Variants in CLIC5 observed in about 807,000 individuals in gnomAD.
CLIC5 encodes the protein chloride intracellular channel protein 5.
CLIC5 carries 20 observed loss-of-function variants against 24.7 expected under a neutral mutation model. That is an observed-to-expected ratio of 0.81 (90% CI 0.57 to 1.18). CLIC5 has a LOEUF of 1.18. Among genes scored for constraint, CLIC5 ranks in the 50% most tolerant of loss-of-function variants. The pLI, the probability that CLIC5 is intolerant of heterozygous loss-of-function variation, is 0.00. For synonymous variants in CLIC5, 159 were observed against 135.6 expected, an observed-to-expected ratio of 1.17 and a Z score of -1.20; for missense variants, 341 against 326.1, an observed-to-expected ratio of 1.05 and a Z score of -0.35.
chr6:46,019,611 G>A (rs1270654402), upstream of CLIC5, among the ~76,000 whole-genome samples: 3 of 149,098 alleles, frequency 2.0e-5, no homozygotes, highest in Admixed American at 6.7e-5. Flanking sequence ...GCGTGAACCC[G>A]GGAAGCGGAG....
the CLIC5 span, among the ~76,000 whole-genome samples, chr6:46,120,546 C>T: frequency 6.6e-6 from 1 of 152,222 alleles, no homozygotes; most frequent in Non-Finnish European, 1.5e-5. Flanking sequence ...CAAAGGAATG[C>T]AGCTCCTCAA....
At chr6:45,886,738 T>C (rs905561472) in intron 6 of CLIC5, among the ~76,000 whole-genome samples, 2 of 152,176 alleles carry the variant, frequency 1.3e-5, no homozygotes, top group South Asian at 4.1e-4. Context: ...CAAAGGCTTC[T>C]GGGGTGGACA....
rs1464358633 is a variant in CLIC5, at chr6:45,927,071, TGGA to T, written c.407-12665_407-12663del. Among the ~76,000 whole-genome samples, 14 of 152,180 alleles carry T rather than the reference TGGA, an allele frequency of 9.2e-5. No individual in the cohort carries two copies. In the East Asian group the frequency reaches 2.3e-3, roughly 25 times the overall value. ...TTCCACAGCGGGGACAGGAAGTGGC[TGGA>T]GGACGTGCCCGTGGCTCTGATGAGG... On this transcript the variant is annotated intron_variant, in intron 4 of 5. Transcript: ENST00000339561.
the CLIC5 span, among the ~76,000 whole-genome samples, chr6:46,124,472 C>A: frequency 6.6e-6 from 1 of 152,154 alleles, no homozygotes; most frequent in Admixed American, 6.5e-5. Flanking sequence ...CCATTGAAAC[C>A]CTAGATGAAA....
chr6:45,886,475 T>C (rs1762306935), intron 6 of CLIC5, among the ~76,000 whole-genome samples: 1 of 152,208 alleles, frequency 6.6e-6, no homozygotes, highest in Non-Finnish European at 1.5e-5. Flanking sequence ...GGCCACCTGT[T>C]GAGCACCCAT....
At chr6:45,996,846 A>G (rs978679052) in intron 1 of CLIC5, among the ~76,000 whole-genome samples, 8 of 151,852 alleles carry the variant, frequency 5.3e-5, no homozygotes, top group African/African-American at 1.9e-4. Flanking sequence ...TTAAAAAGTC[A>G]GGAAACAACA....
intron 5 of CLIC5, among the ~76,000 whole-genome samples, chr6:45,910,732 T>C (rs1762793111): frequency 6.6e-6 from 1 of 152,206 alleles, no homozygotes; most frequent in Non-Finnish European, 1.5e-5. Context: ...TTCTATTTAC[T>C]ATTTTTTGTG....
the CLIC5 span, among the ~76,000 whole-genome samples, chr6:46,113,152 C>A: frequency 6.6e-6 from 1 of 152,110 alleles, no homozygotes; most frequent in Non-Finnish European, 1.5e-5. Context: ...GGGAAATACG[C>A]AACTACTCAG....
chr6:46,013,951 C>T (rs1766897575), intron 1 of CLIC5, among the ~76,000 whole-genome samples: 1 of 152,076 alleles, frequency 6.6e-6, no homozygotes, highest in Non-Finnish European at 1.5e-5. Flanking sequence ...CCTTGCTGCC[C>T]TAAGGTCCAA....
chr6:45,973,723 G>T (rs1765280469), intron 1 of CLIC5, among the ~76,000 whole-genome samples: 1 of 152,170 alleles, frequency 6.6e-6, no homozygotes, highest in Non-Finnish European at 1.5e-5. Context: ...CGGATCATGA[G>T]ATCAAGAGAT....
intron 1 of CLIC5, among the ~76,000 whole-genome samples, chr6:45,958,928 G>A (rs1308732): frequency 0.84 from 127,814 of 151,940 alleles, 54,377 homozygotes; most frequent in Non-Finnish European, 0.9. Flanking sequence ...TCTCTCACTG[G>A]CATTCTGAAA....
chr6:46,048,990 G>A (rs185853691), intron 1 of CLIC5, among the ~76,000 whole-genome samples: 34 of 152,302 alleles, frequency 2.2e-4, no homozygotes, highest in Middle Eastern at 3.4e-3. Context: ...AGAGGCAAGG[G>A]AGGAAAACAA....
chr6:46,080,095 G>A lies in CLIC5; in HGVS notation c.148C>T (p.Gln50Ter), dbSNP rs16874208. Residue 50 changes from glutamine to a stop codon, truncating the protein, a stop_gained, in exon 1 of 6, where the codon CAG becomes TAG. Coordinates refer to the CLIC5 transcript ENST00000185206. LOFTEE classifies it high-confidence loss of function. ...AAATCATACTCATGGGTATTCAGCT[G>A]AGTGGCATATAAATCATTTTCTGGC... The A allele has an allele frequency of 2.4e-5, 37 of 1,551,574 alleles. No individual in the cohort carries two copies. In the African/African-American group the frequency reaches 4.8e-4, roughly 20 times the overall value.
the CLIC5 span, among the ~76,000 whole-genome samples, chr6:46,100,571 G>A: frequency 5.9e-5 from 9 of 152,116 alleles, no homozygotes; most frequent in African/African-American, 1.9e-4. Flanking sequence ...AAGACCACAG[G>A]GGCAGCAATT....
the CLIC5 span, among the ~76,000 whole-genome samples, chr6:46,092,897 G>A: frequency 2.6e-5 from 4 of 152,098 alleles, no homozygotes; most frequent in Admixed American, 6.5e-5. Context: ...TCTGTCTACA[G>A]TGTACAGTGT....
chr6:45,920,284 T>C (rs1581736655), intron 4 of CLIC5: 13 of 984,638 alleles, frequency 1.3e-5, no homozygotes, highest in Non-Finnish European at 1.6e-5. Context: ...ACTCTGCCTG[T>C]ACTAGGGGCC....
chr6:46,003,909 A>G (rs1766447442), intron 1 of CLIC5, among the ~76,000 whole-genome samples: 1 of 152,200 alleles, frequency 6.6e-6, no homozygotes, highest in Admixed American at 6.5e-5. Context: ...CTAAGTTTGT[A>G]TAGAGCAACC....
intron 1 of CLIC5, among the ~76,000 whole-genome samples, chr6:46,049,656 T>C (rs923067282): frequency 2.6e-5 from 4 of 152,152 alleles, no homozygotes; most frequent in African/African-American, 7.2e-5. Context: ...TAGGCAGAAC[T>C]AACATAAACA....
chr6:45,950,200 C>T (rs559358983), intron 2 of CLIC5, among the ~76,000 whole-genome samples: 28 of 152,278 alleles, frequency 1.8e-4, no homozygotes, highest in South Asian at 6.2e-4. Context: ...GGAAAGGACC[C>T]AGAACCATGC....
Sources: allele counts gnomAD v4.1 joint callset (sites outside exome capture counted in the v4.1 genomes callset), GRCh38; gene constraint gnomAD v4.1.1; transcripts MANE v1.5; gene names NCBI Gene and HGNC (gene_info 2026-07-23, HGNC 2026-07-21).